Variants in AGBL4 observed in about 807,000 individuals in gnomAD.
The protein encoded by AGBL4 is AGBL carboxypeptidase 4, also known as cytosolic carboxypeptidase 6.
Under a neutral mutation model 66.4 loss-of-function variants are expected in AGBL4, and 58 were observed. The observed-to-expected ratio is 0.87, with a 90% CI of 0.71 to 1.09. AGBL4 has a LOEUF of 1.09. Ranked by LOEUF, AGBL4 falls within the 50% of genes least tolerant of loss-of-function variation. The pLI is 0.00. For missense variants in AGBL4, 579 were observed against 631.0 expected (o/e 0.92, Z 0.88); for synonymous variants, 234 against 222.9 (o/e 1.05, Z -0.44).
At chr1:49,924,575 T>C (rs2148248155) in intron 1 of AGBL4, among the ~76,000 whole-genome samples, 1 of 152,280 alleles carries the variant, frequency 6.6e-6, no homozygotes, top group African/African-American at 2.4e-5. Flanking sequence ...CTAGAAGGCA[T>C]ACTGCTGGTC....
chr1:48,572,839 G>A (rs1644589298), intron 11 of AGBL4, among the ~76,000 whole-genome samples: 2 of 152,314 alleles, frequency 1.3e-5, no homozygotes, highest in South Asian at 2.1e-4. Context: ...GGGGCCAGGA[G>A]AGGGCACTTC....
At chr1:48,899,957 A>C (rs1651924487) in intron 5 of AGBL4, among the ~76,000 whole-genome samples, 1 of 152,208 alleles carries the variant, frequency 6.6e-6, no homozygotes, top group African/African-American at 2.4e-5. Flanking sequence ...ATTTAACAGG[A>C]ATATCTGATA....
At chr1:49,953,442 C>A (rs1656328971) in intron 1 of AGBL4, among the ~76,000 whole-genome samples, 1 of 151,960 alleles carries the variant, frequency 6.6e-6, no homozygotes, top group Admixed American at 6.6e-5. Flanking sequence ...TATTTTACTG[C>A]AAATTTACTA....
chr1:49,881,168 C>T (rs1337345496), intron 1 of AGBL4, among the ~76,000 whole-genome samples: 1 of 152,140 alleles, frequency 6.6e-6, no homozygotes, highest in Admixed American at 6.5e-5. Context: ...TCCTATTTGG[C>T]CATCTTGATG....
At chr1:49,032,681 T>C (rs922494162) in intron 5 of AGBL4, among the ~76,000 whole-genome samples, 2 of 152,162 alleles carry the variant, frequency 1.3e-5, no homozygotes, top group Admixed American at 1.3e-4. Context: ...TCACCTCATA[T>C]GTTGTAACCC....
chr1:49,977,226 A>G (rs886561442), intron 1 of AGBL4, among the ~76,000 whole-genome samples: 6 of 151,000 alleles, frequency 4.0e-5, no homozygotes, highest in Non-Finnish European at 5.9e-5. Context: ...TTCACCTCCC[A>G]TCTTGCATGG....
chr1:49,161,463 C>T (rs1041816441), intron 4 of AGBL4, among the ~76,000 whole-genome samples: 1 of 152,230 alleles, frequency 6.6e-6, no homozygotes, highest in Non-Finnish European at 1.5e-5. Flanking sequence ...ATCAATCTCA[C>T]TGGGAGCTGC....
At chr1:48,728,518 G>T (rs1647580114) in intron 6 of AGBL4, among the ~76,000 whole-genome samples, 2 of 129,054 alleles carry the variant, frequency 1.5e-5, no homozygotes. Context: ...TTATAGTTTT[G>T]AGATTTACTC....
intron 3 of AGBL4, among the ~76,000 whole-genome samples, chr1:49,258,910 G>A (rs1182279298): frequency 6.6e-6 from 1 of 152,156 alleles, no homozygotes; most frequent in Non-Finnish European, 1.5e-5. Context: ...CAGAGAGAAA[G>A]GTCGGGTTAC....
At chr1:49,174,207 G>T (rs1289572047) in intron 4 of AGBL4, among the ~76,000 whole-genome samples, 1 of 152,112 alleles carries the variant, frequency 6.6e-6, no homozygotes, top group East Asian at 1.9e-4. Flanking sequence ...TTTGTATGCT[G>T]ATGAGACTAA....
At chr1:49,586,662 C>CTGAATGAA (rs10627291) in intron 3 of AGBL4, among the ~76,000 whole-genome samples, 61 of 151,302 alleles carry the variant, frequency 4.0e-4, no homozygotes, top group Non-Finnish European at 7.4e-4. Context: ...GACTGACTGA[C>CTGAATGAA]TGAATGAATG....
At position 49,992,650 on chromosome 1, in the gene AGBL4, T is replaced by C. The variant is rs555575820; in HGVS notation, c.34+31113A>G. Reference sequence around the variant, plus strand: ...CTTTCAATACTTTCCCTCATCCCTATGATCCTTCATAATTCCTTTAGGAGT... The same window carrying C: ...CTTTCAATACTTTCCCTCATCCCTACGATCCTTCATAATTCCTTTAGGAGT... On this transcript the variant is annotated intron_variant, in intron 1 of 13. Coordinates refer to ENST00000371839, the MANE Select transcript of AGBL4 (RefSeq NM_032785.4). Among the ~76,000 whole-genome samples, 38 of 152,258 alleles carry C rather than the reference T, an allele frequency of 2.5e-4. 1 individual carries two copies. The highest frequency in any genetic ancestry group is 8.7e-4 in the African/African-American group (36 of 41,546).
chr1:49,475,962 C>T (rs1227105398), intron 3 of AGBL4, among the ~76,000 whole-genome samples: 1 of 151,956 alleles, frequency 6.6e-6, no homozygotes, highest in African/African-American at 2.4e-5. Flanking sequence ...TTCATTTCTT[C>T]CACTAGCTTT....
At chr1:49,518,704 T>C (rs1650025341) in intron 3 of AGBL4, among the ~76,000 whole-genome samples, 1 of 152,104 alleles carries the variant, frequency 6.6e-6, no homozygotes, top group Non-Finnish European at 1.5e-5. Context: ...CTTGATACTA[T>C]AAAGGAATGT....
At chr1:49,588,378 T>C (rs1026043596) in intron 3 of AGBL4, among the ~76,000 whole-genome samples, 2 of 152,198 alleles carry the variant, frequency 1.3e-5, no homozygotes, top group African/African-American at 4.8e-5. Context: ...TCTCATTCAT[T>C]GTTGTATTCC....
chr1:49,531,624 TC>T (rs886468230), intron 3 of AGBL4, among the ~76,000 whole-genome samples: 5 of 152,170 alleles, frequency 3.3e-5, no homozygotes, highest in African/African-American at 1.2e-4. Context: ...GTCATCATAT[TC>T]TAATTCTCAC....
chr1:49,260,225 C>A (rs1350351704), intron 3 of AGBL4, among the ~76,000 whole-genome samples: 7 of 151,692 alleles, frequency 4.6e-5, no homozygotes, highest in Middle Eastern at 3.2e-3. Flanking sequence ...AAAATTGACA[C>A]CCTAAGATCA....
At chr1:48,978,508 G>C (rs1417939145) in intron 5 of AGBL4, among the ~76,000 whole-genome samples, 1 of 152,162 alleles carries the variant, frequency 6.6e-6, no homozygotes, top group African/African-American at 2.4e-5. Flanking sequence ...GCCACAGACA[G>C]GCAATGCCCT....
chr1:49,310,261 C>T (rs971934545), intron 3 of AGBL4, among the ~76,000 whole-genome samples: 2 of 152,016 alleles, frequency 1.3e-5, no homozygotes, highest in Non-Finnish European at 2.9e-5. Context: ...AGTAGGAAGT[C>T]ACTGGAGAGT....
Sources: gnomAD v4.1 joint callset for allele counts (sites outside exome capture counted in the v4.1 genomes callset) on GRCh38, gnomAD v4.1.1 for gene constraint, MANE v1.5 for transcripts, NCBI Gene and HGNC (gene_info 2026-07-23, HGNC 2026-07-21) for gene names.